UBAC2: variants seen among roughly 807,000 people sequenced by gnomAD.
UBAC2 encodes UBA domain containing 2.
UBAC2 carries 26 observed loss-of-function variants against 44.0 expected under a neutral mutation model. The observed-to-expected ratio is 0.59, with a 90% CI of 0.43 to 0.82. UBAC2 has a LOEUF of 0.82. Among genes scored for constraint, UBAC2 ranks in the 40% least tolerant of loss-of-function variants. UBAC2 has a pLI of 0.00. For missense variants in UBAC2, 329 were observed against 419.4 expected, an observed-to-expected ratio of 0.78 and a Z score of 1.88; for synonymous variants, 155 against 154.3, an observed-to-expected ratio of 1.00 and a Z score of -0.04.
chr13:99,268,423 A>G (rs2043771114), intron 4 of UBAC2, among the ~76,000 whole-genome samples: 1 of 152,062 alleles, frequency 6.6e-6, no homozygotes. Flanking sequence ...CCTGGGCAAC[A>G]TAGCAAAACC....
chr13:99,346,030 C>G (rs1040216201), intron 7 of UBAC2, among the ~76,000 whole-genome samples: 1 of 152,156 alleles, frequency 6.6e-6, no homozygotes, highest in African/African-American at 2.4e-5. Context: ...CGTGAGCCAC[C>G]GCACACAGCC....
Position 99,287,427 on chromosome 13 carries a change from C to CT in UBAC2, c.390-26660dup, listed in dbSNP as rs201970091. On this transcript the variant is annotated intron_variant, in intron 4 of 8. Transcript: ENST00000403766. ...TAATGTCGTCTTCTTAACTGCTGTTCTTTTTTTTTTAAATTTTGAGACAGG... is the reference window on the plus strand; with the variant it reads ...TAATGTCGTCTTCTTAACTGCTGTTCTTTTTTTTTTTAAATTTTGAGACAGG... 2.8e-3 allele frequency among the ~76,000 whole-genome samples: 423 copies of CT among 149,120 alleles called. 1 individual carries two copies. The highest frequency in any genetic ancestry group is 8.5e-3 in the African/African-American group (347 of 40,704).
intron 4 of UBAC2, chr13:99,312,826 G>T (rs1413725595): frequency 6.5e-6 from 1 of 153,510 alleles, no homozygotes; most frequent in African/African-American, 2.4e-5. Flanking sequence ...CCAGATGAGG[G>T]GAAGCAGAGA....
At chr13:99,244,896 G>A (rs1484217933) in intron 4 of UBAC2, among the ~76,000 whole-genome samples, 1 of 151,328 alleles carries the variant, frequency 6.6e-6, no homozygotes, top group Admixed American at 6.6e-5. Flanking sequence ...GCATTGGCAC[G>A]ATCTCGGCTC....
Position 99,386,017 on chromosome 13 carries a change from A to T in UBAC2, c.*682A>T, listed in dbSNP as rs701537. The T allele has an allele frequency of 0.63, 96,050 of 152,392 alleles. 30,517 individuals are homozygous for T. Among genetic ancestry groups the T allele is most frequent in the Middle Eastern group, 0.68 (202 of 298 alleles). 9.4% of individuals were successfully genotyped at this position (152,392 alleles called of 1,614,324 possible). On this transcript the variant is annotated 3_prime_UTR_variant, in exon 9 of 9. Transcript: ENST00000403766. ...AGGCTGCGGGTGAAATGGGATGGAGAAGAACAACAGCAGGCTTCCTGGAGC... is the reference window on the plus strand; with the variant it reads ...AGGCTGCGGGTGAAATGGGATGGAGTAGAACAACAGCAGGCTTCCTGGAGC...
chr13:99,295,466 G>T lies in UBAC2; in HGVS notation c.390-18631G>T. The stretch of plus-strand genomic sequence containing the variant: ...TTTCTCAGTGAGTGGGTTTTGTTTG[G>T]CAGTTCTGAAGAGTTTGCAGCAGAT... On this transcript the variant is annotated intron_variant, in intron 4 of 8. Transcript: ENST00000403766. This position sits in a 1 kb window ranked among gnomAD's most constrained non-coding sequence, Gnocchi z 4.1. 6.2e-7 allele frequency: 1 copy of T among 1,613,946 alleles called. No individual in the cohort carries two copies. Among genetic ancestry groups the T allele is most frequent in the Non-Finnish European group, 8.5e-7 (1 of 1,180,004 alleles).
At chr13:99,202,072 CAAAAAAAA>C (rs776251286) in intron 1 of UBAC2, among the ~76,000 whole-genome samples, 1 of 71,970 alleles carries the variant, frequency 1.4e-5, no homozygotes, top group Admixed American at 1.6e-4. Flanking sequence ...GACTCCATCT[CAAAAAAAA>C]AAAAAAAAAA....
chr13:99,269,200 A>G (rs533383052), intron 4 of UBAC2, among the ~76,000 whole-genome samples: 11 of 152,292 alleles, frequency 7.2e-5, no homozygotes, highest in African/African-American at 2.6e-4. Context: ...GGTACCACAA[A>G]TGGAGTGCCT....
At position 99,243,716 on chromosome 13, in the gene UBAC2, T is replaced by C; in HGVS notation, c.160-116T>C. 4.4e-6 allele frequency: 4 copies of C among 903,414 alleles called. No individual in the cohort carries two copies. The South Asian group carries it at 6.4e-5, about 15-fold the overall frequency. The allele number at this position is 903,414 out of a possible 1,614,324, so 56.0% of individuals were successfully genotyped here. ...ATATAGTTTTCCTTTGGTGTGTGCA[T>C]TATGATTTTGTTTAGGACATTAAAA... On this transcript the variant is annotated intron_variant, in intron 2 of 8. Transcript: ENST00000403766.
At chr13:99,227,403 C>T (rs748029280) in intron 1 of UBAC2, among the ~76,000 whole-genome samples, 2 of 152,124 alleles carry the variant, frequency 1.3e-5, no homozygotes, top group East Asian at 1.9e-4. Flanking sequence ...CCATCTTGCA[C>T]GTTGGCAGGT....
intron 4 of UBAC2, among the ~76,000 whole-genome samples, chr13:99,274,356 G>A (rs939639964): frequency 1.3e-5 from 2 of 151,628 alleles, no homozygotes; most frequent in Non-Finnish European, 2.9e-5. Flanking sequence ...TCTTGAGATA[G>A]GGTCTTGCTC....
intron 6 of UBAC2, among the ~76,000 whole-genome samples, chr13:99,322,327 C>T (rs969794610): frequency 6.6e-6 from 1 of 152,080 alleles, no homozygotes; most frequent in African/African-American, 2.4e-5. Context: ...GCTTTTGAGC[C>T]ATCTACATCT....
At chr13:99,203,166 A>G (rs1326085730) in intron 1 of UBAC2, among the ~76,000 whole-genome samples, 1 of 151,864 alleles carries the variant, frequency 6.6e-6, no homozygotes, top group Admixed American at 6.6e-5. Flanking sequence ...CCTCCCAAGT[A>G]GCTGGGATTA....
chr13:99,337,905 G>T (rs1229134572), intron 6 of UBAC2, among the ~76,000 whole-genome samples: 1 of 151,880 alleles, frequency 6.6e-6, no homozygotes, highest in Non-Finnish European at 1.5e-5. Flanking sequence ...TCTAGTCCAG[G>T]GGTATCTAGT....
intron 4 of UBAC2, among the ~76,000 whole-genome samples, chr13:99,291,079 G>A (rs1386171893): frequency 6.6e-6 from 1 of 152,182 alleles, no homozygotes; most frequent in Non-Finnish European, 1.5e-5. Context: ...TGGGACCGGA[G>A]AGTGTGGGAT....
intron 5 of UBAC2, chr13:99,314,962 C>T (rs1402313813): frequency 6.6e-6 from 1 of 152,168 alleles, no homozygotes; most frequent in Non-Finnish European, 1.5e-5. Flanking sequence ...GTCGCTTGGC[C>T]TTTTGATCCA....
intron 1 of UBAC2, among the ~76,000 whole-genome samples, chr13:99,228,838 T>C (rs2043141721): frequency 6.6e-6 from 1 of 152,222 alleles, no homozygotes. Context: ...GCAACCACTT[T>C]ACTAATGGTT....
At position 99,243,857 on chromosome 13, in the gene UBAC2, T is replaced by C; in HGVS notation, c.185T>C (p.Ile62Thr). 4 of 1,574,942 alleles carry C rather than the reference T, an allele frequency of 2.5e-6. No individual in the cohort carries two copies. Among genetic ancestry groups the C allele is most frequent in the Non-Finnish European group, 3.5e-6 (4 of 1,159,070 alleles). ...ATTTGGAGGTTGATATGTGGAAGAA[T>C]AATTTGCCTTGATTTGAAAGATACT... is the stretch of plus-strand genomic sequence containing the variant. ...FQIWRLICGRIICLDLKDTFC... is the reference protein window; with the variant it reads ...FQIWRLICGRTICLDLKDTFC... Residue 62 changes from isoleucine (I) to threonine (T), a missense_variant, in exon 3 of 9, where the codon ATA (isoleucine) becomes ACA (threonine). Physicochemically the swap from Ile to Thr is moderately conservative, Grantham distance 89. Transcript: ENST00000403766.
chr13:99,265,457 C>G (rs2043730206), intron 4 of UBAC2, among the ~76,000 whole-genome samples: 1 of 152,228 alleles, frequency 6.6e-6, no homozygotes, highest in South Asian at 2.1e-4. Flanking sequence ...ATTTGCTCTT[C>G]TAACATGAAT....
Sources: gnomAD v4.1 joint callset for allele counts (sites outside exome capture counted in the v4.1 genomes callset) on GRCh38, gnomAD v4.1.1 for gene constraint, Gnocchi (gnomAD v3.1) non-coding constraint, MANE v1.5 for transcripts, NCBI Gene and HGNC (gene_info 2026-07-23, HGNC 2026-07-21) for gene names.